The following CSGALNACT1 variants were observed in gnomAD, a reference collection of about 807,000 sequenced individuals.
CSGALNACT1 encodes beta4GalNAcT-1.
A neutral mutation model predicts 51.0 loss-of-function variants in CSGALNACT1; 52 were observed. The observed-to-expected ratio is 1.02, with a 90% CI of 0.82 to 1.29. CSGALNACT1 has a LOEUF of 1.29. Among genes scored for constraint, CSGALNACT1 ranks in the 50% most tolerant of loss-of-function variants. CSGALNACT1 has a pLI of 0.00. For synonymous variants in CSGALNACT1, 341 were observed against 254.4 expected, an observed-to-expected ratio of 1.34 and a Z score of -3.24; for missense variants, 935 against 679.2, an observed-to-expected ratio of 1.38 and a Z score of -4.19.
At chr8:19,650,977 G>A (rs2057753478) in intron 1 of CSGALNACT1, among the ~76,000 whole-genome samples, 1 of 152,184 alleles carries the variant, frequency 6.6e-6, no homozygotes, top group South Asian at 2.1e-4. Context: ...AGCATCAGGA[G>A]AACACCAAGG....
intron 3 of CSGALNACT1, among the ~76,000 whole-genome samples, chr8:19,572,793 T>C (rs950874812): frequency 3.3e-5 from 5 of 152,338 alleles, no homozygotes; most frequent in African/African-American, 4.8e-5. Flanking sequence ...TCACTGATAA[T>C]TGACAGTAAG....
At chr8:19,562,700 T>C (rs771823643) in intron 3 of CSGALNACT1, among the ~76,000 whole-genome samples, 2 of 152,122 alleles carry the variant, frequency 1.3e-5, no homozygotes, top group Non-Finnish European at 2.9e-5. Context: ...CACTTATCAT[T>C]AGAGAAATGC....
chr8:19,453,757 C>G (rs1374231212), intron 5 of CSGALNACT1, among the ~76,000 whole-genome samples: 1 of 152,102 alleles, frequency 6.6e-6, no homozygotes, highest in Non-Finnish European at 1.5e-5. Flanking sequence ...ACTAAAAGTA[C>G]CAAAAGCAGC....
At chr8:19,515,379 C>T (rs1399241751) in intron 3 of CSGALNACT1, among the ~76,000 whole-genome samples, 3 of 152,158 alleles carry the variant, frequency 2.0e-5, no homozygotes, top group Non-Finnish European at 4.4e-5. Flanking sequence ...ACTCAGAGGG[C>T]GTGTTCTCCA....
rs563221320 is a variant in CSGALNACT1 at position 19,663,075 on chromosome 8, T to C, written c.-544+19398A>G. ...GGATGCTCTCTATCAATCTATTGCGTTCCTCATTAGTCATGATCACTGCCT... is the reference window on the plus strand; with the variant it reads ...GGATGCTCTCTATCAATCTATTGCGCTCCTCATTAGTCATGATCACTGCCT... On this transcript the variant is annotated intron_variant, in intron 1 of 9. Transcript: ENST00000332246. 3.8e-4 allele frequency among the ~76,000 whole-genome samples: 58 copies of C among 152,288 alleles called. 1 individual carries two copies. Among genetic ancestry groups the C allele is most frequent in the Admixed American group, 3.8e-3 (58 of 15,296 alleles).
intron 2 of CSGALNACT1, among the ~76,000 whole-genome samples, chr8:19,594,671 G>C (rs1408555002): frequency 6.6e-6 from 1 of 151,552 alleles, no homozygotes; most frequent in Non-Finnish European, 1.5e-5. Flanking sequence ...AGCTTCCCAA[G>C]TAGTTGGGAT....
intron 3 of CSGALNACT1, among the ~76,000 whole-genome samples, chr8:19,509,893 G>A (rs1017607278): frequency 1.3e-5 from 2 of 152,112 alleles, no homozygotes; most frequent in Non-Finnish European, 2.9e-5. Context: ...CAGCAGCATT[G>A]AGCTACTATT....
At chr8:19,458,405 A>G (rs1034142954) in intron 5 of CSGALNACT1, 21 bp downstream of exon 4, 1 of 1,588,506 alleles carries the variant, frequency 6.3e-7, no homozygotes, top group African/African-American at 1.3e-5. Flanking sequence ...GAGGAAGATA[A>G]ACACGTGCGA....
intron 4 of CSGALNACT1, among the ~76,000 whole-genome samples, chr8:19,475,210 TG>T (rs1386827335): frequency 4.6e-5 from 7 of 152,086 alleles, no homozygotes; most frequent in Non-Finnish European, 1.0e-4. Flanking sequence ...AGGAAGAATA[TG>T]GCACAATCAG....
intron 1 of CSGALNACT1, among the ~76,000 whole-genome samples, chr8:19,650,783 T>C (rs916302991): frequency 6.6e-6 from 1 of 152,160 alleles, no homozygotes; most frequent in African/African-American, 2.4e-5. Context: ...CATGAGGGTT[T>C]TGGTAATGAT....
At chr8:19,665,050 G>T (rs1564379079) in intron 1 of CSGALNACT1, among the ~76,000 whole-genome samples, 1 of 152,170 alleles carries the variant, frequency 6.6e-6, no homozygotes, top group East Asian at 1.9e-4. Context: ...TTTCACTCTT[G>T]TTGCCCAGGC....
chr8:19,514,542 C>A (rs1317272052), intron 3 of CSGALNACT1, among the ~76,000 whole-genome samples: 1 of 126,882 alleles, frequency 7.9e-6, no homozygotes, highest in Non-Finnish European at 1.6e-5. Flanking sequence ...ATATACAGGC[C>A]AGGCACAGTG....
At chr8:19,541,808 T>C (rs1292685121) in intron 3 of CSGALNACT1, among the ~76,000 whole-genome samples, 1 of 152,086 alleles carries the variant, frequency 6.6e-6, no homozygotes, top group East Asian at 1.9e-4. Context: ...CATGTAATTC[T>C]TCAATGTTTC....
chr8:19,584,281 G>A (rs181616367), intron 3 of CSGALNACT1, among the ~76,000 whole-genome samples: 1 of 152,300 alleles, frequency 6.6e-6, no homozygotes, highest in African/African-American at 2.4e-5. Flanking sequence ...TGTGGTCCCA[G>A]GCAATGTTAT....
chr8:19,443,829 A>C (rs1487072366), intron 5 of CSGALNACT1, among the ~76,000 whole-genome samples: 2 of 152,086 alleles, frequency 1.3e-5, no homozygotes, highest in South Asian at 2.1e-4. Context: ...GCAGCCCCCA[A>C]ATTTTGCAGC....
chr8:19,439,831 T>G, exon 6 of CSGALNACT1: 1 of 1,611,872 alleles, frequency 6.2e-7, no homozygotes, highest in Non-Finnish European at 8.5e-7. Context: ...TGTACTCACT[T>G]GGAAGTGTTT....
At chr8:19,563,037 T>A (rs1052121735) in intron 3 of CSGALNACT1, among the ~76,000 whole-genome samples, 1 of 152,118 alleles carries the variant, frequency 6.6e-6, no homozygotes, top group Admixed American at 6.5e-5. Context: ...CAAATGCCCA[T>A]CAATGATAGA....
chr8:19,701,251 G>A (rs143731113), intron 1 of CSGALNACT1, among the ~76,000 whole-genome samples: 7 of 146,394 alleles, frequency 4.8e-5, no homozygotes, highest in African/African-American at 1.8e-4. Flanking sequence ...AGCCTCCCAG[G>A]TTCAAGTAAT....
At chr8:19,590,468 T>C (rs1348314668) in intron 3 of CSGALNACT1, among the ~76,000 whole-genome samples, 2 of 152,150 alleles carry the variant, frequency 1.3e-5, no homozygotes, top group Non-Finnish European at 2.9e-5. Flanking sequence ...TGGTGCCTAA[T>C]CTAATTCCAA....
Sources: allele counts gnomAD v4.1 joint callset (sites outside exome capture counted in the v4.1 genomes callset), GRCh38; gene constraint gnomAD v4.1.1; transcripts MANE v1.5; gene names NCBI Gene and HGNC (gene_info 2026-07-23, HGNC 2026-07-21).